Variants in SLIT1 observed in about 807,000 individuals in gnomAD.
The protein encoded by SLIT1 is slit guidance ligand 1, also known as slit homolog 1 protein.
In SLIT1, 66 loss-of-function variants were observed where a neutral mutation model predicts 186.1. That is an observed-to-expected ratio of 0.35 (90% CI 0.29 to 0.44). The LOEUF (loss-of-function observed/expected upper bound fraction) is 0.44. Among genes scored for constraint, SLIT1 ranks in the 20% least tolerant of loss-of-function variants. The pLI is 1.00. For synonymous variants in SLIT1, 761 were observed against 833.8 expected (o/e 0.91, Z 1.50); for missense variants, 1,638 against 2,037.4 (o/e 0.80, Z 3.77).
At position 97,021,251 on chromosome 10, in the gene SLIT1, T is replaced by G; in HGVS notation, c.2745A>C (p.Gln915His). ...LTTPAKKFEC[Q>H]GPPTLAVQAK... ...AGGAGGCTGTGCTCCTAGGCTCACC[T>G]TGGCATTCAAACTTCTTGGCAGGCG... The change falls in exon 26 of 37, where the codon CAA (glutamine) becomes CAC (histidine). Residue 915 changes from glutamine (Q) to histidine (H), a missense_variant and splice_region_variant. Transcript: ENST00000266058. The surrounding 1 kb of genome is among the most constrained non-coding windows in gnomAD (Gnocchi z 4.5). 6.2e-7 allele frequency: 1 copy of G among 1,613,712 alleles called. No individual in the cohort carries two copies. Among genetic ancestry groups the G allele is most frequent in the East Asian group, 2.2e-5 (1 of 44,880 alleles).
intron 13 of SLIT1, among the ~76,000 whole-genome samples, chr10:97,050,787 A>G (rs1848779643): frequency 6.6e-6 from 1 of 152,220 alleles, no homozygotes; most frequent in South Asian, 2.1e-4. Context: ...TTGTTTAGGC[A>G]TGTATTAAAA....
chr10:97,071,712 C>G (rs990599973), intron 4 of SLIT1, among the ~76,000 whole-genome samples: 1 of 152,086 alleles, frequency 6.6e-6, no homozygotes, highest in African/African-American at 2.4e-5. Context: ...GAAAGGAGAG[C>G]CAGTCAGCTC....
chr10:97,172,574 GTTTC>G (rs1311269949), intron 1 of SLIT1, among the ~76,000 whole-genome samples: 3 of 152,134 alleles, frequency 2.0e-5, no homozygotes, highest in Admixed American at 6.5e-5. Flanking sequence ...GGTTTTCCAT[GTTTC>G]TTTGTTTCCC....
At chr10:97,040,206 T>G (rs1848678668) in intron 20 of SLIT1, 86 bp from the exon 21 acceptor site, 6 of 1,363,284 alleles carry the variant, frequency 4.4e-6, no homozygotes, top group Non-Finnish European at 5.8e-6. Context: ...CTCTGGGGCC[T>G]CTCAGAACAG....
intron 4 of SLIT1, among the ~76,000 whole-genome samples, chr10:97,116,337 T>C (rs1345275675): frequency 6.6e-6 from 1 of 152,098 alleles, no homozygotes; most frequent in East Asian, 1.9e-4. Context: ...GACCATCTCC[T>C]GAGCTAGCCG....
At chr10:97,179,996 A>G (rs1451675267) in intron 1 of SLIT1, among the ~76,000 whole-genome samples, 1 of 152,212 alleles carries the variant, frequency 6.6e-6, no homozygotes, top group Non-Finnish European at 1.5e-5. Flanking sequence ...GTCTGCTCCC[A>G]ATAATGCAGG....
At chr10:97,049,570 C>T (rs563266774) in intron 13 of SLIT1, among the ~76,000 whole-genome samples, 1 of 152,328 alleles carries the variant, frequency 6.6e-6, no homozygotes, top group Non-Finnish European at 1.5e-5. Flanking sequence ...GCCTCTGACC[C>T]TCCCCAGTGG....
chr10:97,124,268 A>G (rs1849584941), intron 4 of SLIT1, among the ~76,000 whole-genome samples: 1 of 152,200 alleles, frequency 6.6e-6, no homozygotes, highest in African/African-American at 2.4e-5. Context: ...AATCCAACCA[A>G]AACCTGGCAG....
intron 4 of SLIT1, among the ~76,000 whole-genome samples, chr10:97,156,069 G>C (rs1395973393): frequency 6.6e-6 from 1 of 152,200 alleles, no homozygotes; most frequent in Non-Finnish European, 1.5e-5. Context: ...AGCACCCACT[G>C]TGTATGCCTG....
chr10:97,080,198 A>T (rs942152777), intron 4 of SLIT1, among the ~76,000 whole-genome samples: 7 of 152,162 alleles, frequency 4.6e-5, no homozygotes, highest in Non-Finnish European at 5.9e-5. Flanking sequence ...AAGTCTATGG[A>T]TAAAACAGCT....
At chr10:97,153,304 C>T (rs1350917013) in intron 4 of SLIT1, 1 of 152,246 alleles carries the variant, frequency 6.6e-6, no homozygotes, top group Non-Finnish European at 1.5e-5. Flanking sequence ...ATTTTAACTT[C>T]TGGAGGCCAC....
intron 4 of SLIT1, among the ~76,000 whole-genome samples, chr10:97,115,468 C>T (rs1016130071): frequency 5.9e-5 from 9 of 152,124 alleles, no homozygotes; most frequent in African/African-American, 2.2e-4. Context: ...GGTCCGGGGG[C>T]CAATTCTGGG....
intron 30 of SLIT1, among the ~76,000 whole-genome samples, chr10:97,013,401 C>T (rs554483616): frequency 6.6e-6 from 1 of 152,116 alleles, no homozygotes; most frequent in Non-Finnish European, 1.5e-5. Flanking sequence ...GATGCCAGAC[C>T]GGGAGCTAAG....
chr10:97,116,278 C>T (rs114492619), intron 4 of SLIT1, among the ~76,000 whole-genome samples: 3,071 of 152,176 alleles, frequency 0.02, 120 homozygotes, highest in African/African-American at 0.07. Flanking sequence ...AATAATAATT[C>T]AAATAATTCA....
chr10:97,061,780 A>G (rs981400897), intron 8 of SLIT1, among the ~76,000 whole-genome samples: 3 of 152,226 alleles, frequency 2.0e-5, no homozygotes, highest in Non-Finnish European at 4.4e-5. Context: ...CACACCTAGT[A>G]GGAGTTGGAG....
intron 4 of SLIT1, among the ~76,000 whole-genome samples, chr10:97,134,388 T>C (rs1849682420): frequency 6.6e-6 from 1 of 152,184 alleles, no homozygotes; most frequent in South Asian, 2.1e-4. Flanking sequence ...CGCGGTTTCC[T>C]GGCAACCAGG....
In SLIT1 at chr10:97,006,662, T is replaced by A; in HGVS notation, c.3400A>T (p.Thr1134Ser). Residue 1134 changes from threonine (T) to serine (S), a missense_variant, in exon 32 of 37, where the codon ACT becomes TCT. Physicochemically the swap from Thr to Ser is moderately conservative, Grantham distance 58. Around this residue, in one of 3 missense-constraint regions of SLIT1, gnomAD observed 1,245 missense variants for 1,535.3 expected, o/e 0.81. Coordinates refer to ENST00000266058, the MANE Select transcript of SLIT1 (RefSeq NM_003061.3). The surrounding 1 kb of genome is among the most constrained non-coding windows in gnomAD (Gnocchi z 4.0). Reference sequence around the variant, plus strand: ...CAGTTGGCCCCATTCTGGCACTCAGTCCCCTCACAGGGGCTCTTGGGGGCA... The same window carrying A: ...CAGTTGGCCCCATTCTGGCACTCAGACCCCTCACAGGGGCTCTTGGGGGCA... ...LPAPKSPCEG[T>S]ECQNGANCVD... The A allele has an allele frequency of 6.2e-7, 1 of 1,614,040 alleles. No homozygotes were observed. Among genetic ancestry groups the A allele is most frequent in the Non-Finnish European group, 8.5e-7 (1 of 1,179,990 alleles).
chr10:97,078,326 G>A (rs186839450), intron 4 of SLIT1, among the ~76,000 whole-genome samples: 149 of 151,970 alleles, frequency 9.8e-4, no homozygotes, highest in African/African-American at 3.1e-3. Flanking sequence ...TGCCCACCGC[G>A]AAGCCACAAA....
At chr10:97,009,563 C>T (rs1848393984) in intron 31 of SLIT1, among the ~76,000 whole-genome samples, 1 of 152,002 alleles carries the variant, frequency 6.6e-6, no homozygotes, top group Non-Finnish European at 1.5e-5. Flanking sequence ...TCTTCATAAC[C>T]TTGGATTAGG....
Sources: allele counts gnomAD v4.1 joint callset (sites outside exome capture counted in the v4.1 genomes callset), GRCh38; gene constraint gnomAD v4.1.1; regional missense constraint gnomAD v4.1.1; non-coding constraint Gnocchi (gnomAD v3.1); transcripts MANE v1.5; gene names NCBI Gene and HGNC (gene_info 2026-07-23, HGNC 2026-07-21).